TAF4B: variants seen among roughly 807,000 people sequenced by gnomAD.
The protein encoded by TAF4B is TATA-box binding protein associated factor 4b.
In TAF4B, 38 loss-of-function variants were observed where a neutral mutation model predicts 86.4. The observed-to-expected ratio is 0.44, with a 90% CI of 0.34 to 0.58. TAF4B has a LOEUF of 0.58. TAF4B is among the 20% of genes least tolerant of loss of function. TAF4B has a pLI of 0.02. For missense variants in TAF4B, 988 were observed against 1,027.6 expected (o/e 0.96, Z 0.53); for synonymous variants, 388 against 391.2 (o/e 0.99, Z 0.10).
chr18:26,373,577 A>T (rs553475104), intron 14 of TAF4B, among the ~76,000 whole-genome samples: 1 of 152,218 alleles, frequency 6.6e-6, no homozygotes, highest in Non-Finnish European at 1.5e-5. Flanking sequence ...AAAGTGAACT[A>T]GTTTACATTC....
intron 1 of TAF4B, among the ~76,000 whole-genome samples, chr18:26,235,665 A>ATGTGTGGTC (rs931148430): frequency 1.3e-5 from 2 of 152,154 alleles, no homozygotes; most frequent in African/African-American, 4.8e-5. Context: ...TCGATGTGGG[A>ATGTGTGGTC]TGTGTGGTCT....
At position 26,371,842 on chromosome 18, in the gene TAF4B, A is replaced by G. The variant is rs146351918; in HGVS notation, c.2421+14048A>G. ...AAAAGCCAGGTCCTCTTGAGGAAAG[A>G]CCCTGCCTCACAGTGAGAAATTCTA... On this transcript the variant is annotated intron_variant, in intron 14 of 14. Transcript: ENST00000269142. Among the ~76,000 whole-genome samples the G allele has an allele frequency of 7.9e-3, 1,205 of 152,178 alleles. 12 individuals carry two copies. Among genetic ancestry groups the G allele is most frequent in the African/African-American group, 0.028 (1,143 of 41,500 alleles).
In TAF4B at chr18:26,385,688, T is replaced by TTG. The variant is rs1272762161; in HGVS notation, c.2422-4156_2422-4155insGT. Among the ~76,000 whole-genome samples the TTG allele has an allele frequency of 4.9e-5, 7 of 144,262 alleles. No individual in the cohort carries two copies. The South Asian group carries it at 9.1e-4, about 19-fold the overall frequency. 94.6% of individuals were successfully genotyped at this position (144,262 alleles called of 152,430 possible). ...GAGAAGAATAAACAGCGTTTTTTTT[T>TTG]TTTTTTCTTCTTCTTCTTCTTCTTC... On this transcript the variant is annotated intron_variant, in intron 14 of 14. Coordinates refer to ENST00000269142, the MANE Select transcript of TAF4B (RefSeq NM_005640.3).
chr18:26,347,078 G>A (rs11659617), intron 13 of TAF4B, among the ~76,000 whole-genome samples: 51,296 of 147,728 alleles, frequency 0.35, 11,131 homozygotes, highest in East Asian at 0.8. Flanking sequence ...CCACCACCAA[G>A]CCCAGCTAAT....
At chr18:26,294,765 G>A (rs1316717680) in intron 9 of TAF4B, among the ~76,000 whole-genome samples, 3 of 149,996 alleles carry the variant, frequency 2.0e-5, no homozygotes, top group African/African-American at 7.3e-5. Flanking sequence ...AATAGAACAT[G>A]TACACAATAG....
chr18:26,306,351 G>A (rs1276986835), intron 9 of TAF4B, among the ~76,000 whole-genome samples: 1 of 152,052 alleles, frequency 6.6e-6, no homozygotes, highest in Non-Finnish European at 1.5e-5. Context: ...GGTAAATTTT[G>A]CTTGGCCAAC....
At chr18:26,227,765 C>T (rs1164811860) in intron 1 of TAF4B, among the ~76,000 whole-genome samples, 1 of 152,264 alleles carries the variant, frequency 6.6e-6, no homozygotes, top group Non-Finnish European at 1.5e-5. Flanking sequence ...GATCCTCCCG[C>T]CTCGGCCTCC....
At chr18:26,243,708 T>G (rs908299641) in intron 1 of TAF4B, among the ~76,000 whole-genome samples, 5 of 152,200 alleles carry the variant, frequency 3.3e-5, no homozygotes, top group Non-Finnish European at 4.4e-5. Context: ...TTTCTTTCCA[T>G]CTTTGTGGTT....
rs373189741 is a variant in TAF4B at position 26,313,247 on chromosome 18, A to G, written c.1833-1982A>G. 5.3e-5 allele frequency among the ~76,000 whole-genome samples: 8 copies of G among 152,314 alleles called. No individual in the cohort carries two copies. The East Asian group carries it at 1.2e-3, about 22-fold the overall frequency. On this transcript the variant is annotated intron_variant, in intron 9 of 14. Coordinates refer to ENST00000269142, the MANE Select transcript of TAF4B (RefSeq NM_005640.3). Reference sequence around the variant, plus strand: ...ATAACTGGTTAGGATTCTGTTTTGCAGTCATCTGACTTTTCATTTATGTTC... The same window carrying G: ...ATAACTGGTTAGGATTCTGTTTTGCGGTCATCTGACTTTTCATTTATGTTC...
Position 26,321,134 on chromosome 18 carries a change from G to A in TAF4B, c.2067G>A (p.Gln689=). The A allele has an allele frequency of 6.2e-7, 1 of 1,613,872 alleles. No homozygotes were observed. Among genetic ancestry groups the A allele is most frequent in the South Asian group, 1.1e-5 (1 of 91,072 alleles). Residue 689 remains glutamine (Q), a synonymous_variant, in exon 11 of 15, where the codon CAG becomes CAA. Coordinates refer to ENST00000269142, the MANE Select transcript of TAF4B (RefSeq NM_005640.3). The stretch of plus-strand genomic sequence containing the variant: ...TGAACTTGATCTCCCAAGCAACACA[G>A]GAACGACTACGAGGCCTTCTAGAAA... ...DAVNLISQAT[Q]ERLRGLLEKL... is the part of the protein sequence containing the mutation.
chr18:26,242,652 G>A (rs565793520), intron 1 of TAF4B, among the ~76,000 whole-genome samples: 83 of 152,230 alleles, frequency 5.5e-4, no homozygotes, highest in African/African-American at 1.4e-3. Flanking sequence ...TATTTTGCTC[G>A]TTAGTTGATG....
chr18:26,351,156 A>G (rs1452933690), intron 13 of TAF4B, among the ~76,000 whole-genome samples: 1 of 152,202 alleles, frequency 6.6e-6, no homozygotes, highest in South Asian at 2.1e-4. Context: ...AAAATGTGCT[A>G]TATATACACA....
At chr18:26,262,972 A>T (rs2056190778) in intron 1 of TAF4B, among the ~76,000 whole-genome samples, 1 of 151,862 alleles carries the variant, frequency 6.6e-6, no homozygotes, top group East Asian at 1.9e-4. Context: ...TTATTTAGAG[A>T]CAGTGTTGTG....
At chr18:26,233,902 T>G (rs2055709387) in intron 1 of TAF4B, among the ~76,000 whole-genome samples, 1 of 152,198 alleles carries the variant, frequency 6.6e-6, no homozygotes, top group African/African-American at 2.4e-5. Context: ...GATTATTCCT[T>G]TGGCACACTT....
chr18:26,247,094 A>G (rs779355777), intron 1 of TAF4B, among the ~76,000 whole-genome samples: 2 of 151,758 alleles, frequency 1.3e-5, no homozygotes, highest in African/African-American at 2.4e-5. Context: ...CGAACTCCCG[A>G]TCTTAGGTGA....
chr18:26,241,575 C>G (rs923871696), intron 1 of TAF4B, among the ~76,000 whole-genome samples: 4 of 152,018 alleles, frequency 2.6e-5, no homozygotes, highest in African/African-American at 7.2e-5. Flanking sequence ...TTTTTTGTGT[C>G]TCTATCTCCT....
intron 10 of TAF4B, among the ~76,000 whole-genome samples, chr18:26,319,983 G>A (rs964640089): frequency 3.9e-5 from 6 of 152,154 alleles, no homozygotes; most frequent in Non-Finnish European, 7.4e-5. Flanking sequence ...TTTGTTACAA[G>A]TAATGAATTA....
chr18:26,314,356 A>G (rs2056880951), intron 9 of TAF4B, among the ~76,000 whole-genome samples: 1 of 152,142 alleles, frequency 6.6e-6, no homozygotes, highest in African/African-American at 2.4e-5. Flanking sequence ...CCTTAAATAT[A>G]TATACTCATC....
At position 26,391,062 on chromosome 18, in the gene TAF4B, A is replaced by G. The variant is rs1978679352; in HGVS notation, c.*1050A>G. The G allele has an allele frequency of 6.6e-6, 1 of 152,220 alleles. No individual in the cohort carries two copies. The allele number at this position is 152,220 out of a possible 1,614,324, so 9.4% of individuals were successfully genotyped here. On this transcript the variant is annotated 3_prime_UTR_variant, in exon 15 of 15. Transcript: ENST00000269142. The stretch of plus-strand genomic sequence containing the variant: ...ATTTAAAAAATCCTAATTGATGATG[A>G]GAAATTTTTAACAATAGGACTTTAT...
Sources: allele counts gnomAD v4.1 joint callset (sites outside exome capture counted in the v4.1 genomes callset), GRCh38; gene constraint gnomAD v4.1.1; transcripts MANE v1.5; gene names NCBI Gene and HGNC (gene_info 2026-07-23, HGNC 2026-07-21).